SSBP2: variants seen among roughly 807,000 people sequenced by gnomAD.
SSBP2 encodes the protein single-stranded DNA-binding protein 2.
A neutral mutation model predicts 61.8 loss-of-function variants in SSBP2; 17 were observed. The ratio of observed to expected loss-of-function variants is 0.28; its 90% CI spans 0.19 to 0.41. The LOEUF (loss-of-function observed/expected upper bound fraction) is 0.41. SSBP2 is among the 10% of genes least tolerant of loss of function. The pLI, the probability that SSBP2 is intolerant of heterozygous loss-of-function variation, is 1.00. For missense variants in SSBP2, 310 were observed against 458.7 expected, an observed-to-expected ratio of 0.68 and a Z score of 2.96; for synonymous variants, 139 against 141.3, an observed-to-expected ratio of 0.98 and a Z score of 0.12.
chr5:81,510,595 T>C (rs1245815759), intron 5 of SSBP2, among the ~76,000 whole-genome samples: 1 of 152,070 alleles, frequency 6.6e-6, no homozygotes, highest in East Asian at 1.9e-4. Flanking sequence ...ACCCTGTCTC[T>C]ACTAAAAATA....
At chr5:81,748,747 G>T (rs1757515756) in intron 1 of SSBP2, among the ~76,000 whole-genome samples, 1 of 152,172 alleles carries the variant, frequency 6.6e-6, no homozygotes, top group South Asian at 2.1e-4. Flanking sequence ...ACCCTGATCT[G>T]CTCACGAGAG....
chr5:81,611,441 C>T lies in SSBP2; in HGVS notation c.282+4032G>A, dbSNP rs145877045. ...TACAAATCTAAGGTATTTAGATACA[C>T]TTTTACTTAAAAAAATCTTTAACTT... is the stretch of plus-strand genomic sequence containing the variant. On this transcript the variant is annotated intron_variant, in intron 4 of 16. Coordinates refer to ENST00000320672, the MANE Select transcript of SSBP2 (RefSeq NM_012446.5). Among the ~76,000 whole-genome samples, 35 of 152,212 alleles carry T rather than the reference C, an allele frequency of 2.3e-4. No individual in the cohort carries two copies. The Middle Eastern group carries it at 0.01, about 44-fold the overall frequency.
chr5:81,442,767 A>C (rs772185050), intron 12 of SSBP2, 44 bp from the exon 13 acceptor site: 1 of 1,046,354 alleles, frequency 9.6e-7, no homozygotes. Context: ...TTTAGAGTCT[A>C]TACCCAATTC....
intron 16 of SSBP2, among the ~76,000 whole-genome samples, chr5:81,428,002 G>C (rs1762058424): frequency 6.6e-6 from 1 of 152,160 alleles, no homozygotes; most frequent in African/African-American, 2.4e-5. Flanking sequence ...CTAGCATATT[G>C]CCTTGGCATG....
At chr5:81,466,579 C>T (rs1011331192) in intron 9 of SSBP2, among the ~76,000 whole-genome samples, 4 of 151,778 alleles carry the variant, frequency 2.6e-5, no homozygotes, top group Admixed American at 6.6e-5. Flanking sequence ...TGAGGTTAAC[C>T]GTATTCAATT....
At chr5:81,584,727 T>C (rs1412121553) in intron 4 of SSBP2, among the ~76,000 whole-genome samples, 2 of 152,116 alleles carry the variant, frequency 1.3e-5, no homozygotes, top group African/African-American at 4.8e-5. Context: ...TTAAGTAAGG[T>C]AGCAGAAGAA....
At chr5:81,534,432 T>G (rs929262553) in intron 4 of SSBP2, among the ~76,000 whole-genome samples, 1 of 152,008 alleles carries the variant, frequency 6.6e-6, no homozygotes, top group Non-Finnish European at 1.5e-5. Flanking sequence ...TTAAAACAAC[T>G]ATGATTAATA....
At chr5:81,735,957 A>AT (rs1756574585) in intron 1 of SSBP2, among the ~76,000 whole-genome samples, 2 of 152,206 alleles carry the variant, frequency 1.3e-5, no homozygotes, top group Non-Finnish European at 2.9e-5. Context: ...TGAAACGAGT[A>AT]TTTCAGATTG....
chr5:81,597,972 C>T (rs945042686), intron 4 of SSBP2, among the ~76,000 whole-genome samples: 4 of 150,920 alleles, frequency 2.7e-5, no homozygotes, highest in Admixed American at 6.6e-5. Context: ...CAAACCTGCA[C>T]GTTGTGCACA....
At chr5:81,440,441 G>T in intron 14 of SSBP2, 117 bp downstream of exon 14, 1 of 739,538 alleles carries the variant, frequency 1.4e-6, no homozygotes, top group Non-Finnish European at 2.2e-6. Flanking sequence ...GGTAAAAGTT[G>T]AAGTATTTAA....
chr5:81,501,337 C>T (rs1457731967), intron 5 of SSBP2, among the ~76,000 whole-genome samples: 8 of 138,788 alleles, frequency 5.8e-5, no homozygotes, highest in Non-Finnish European at 1.6e-5. Flanking sequence ...ATCTTAAATA[C>T]ATATACACAA....
At chr5:81,471,135 T>C (rs1765221250) in intron 8 of SSBP2, among the ~76,000 whole-genome samples, 1 of 151,904 alleles carries the variant, frequency 6.6e-6, no homozygotes, top group African/African-American at 2.4e-5. Flanking sequence ...ATTTCCATCA[T>C]ATTATATAGA....
intron 4 of SSBP2, among the ~76,000 whole-genome samples, chr5:81,601,542 T>C (rs1197658496): frequency 6.6e-6 from 1 of 152,150 alleles, no homozygotes; most frequent in African/African-American, 2.4e-5. Context: ...ATTTTACCAT[T>C]GGGGGAACTA....
At chr5:81,706,047 A>ATT (rs1754363855) in intron 1 of SSBP2, among the ~76,000 whole-genome samples, 1 of 152,224 alleles carries the variant, frequency 6.6e-6, no homozygotes, top group Non-Finnish European at 1.5e-5. Flanking sequence ...CTGCACTCAT[A>ATT]CGCTGATCAC....
chr5:81,655,741 A>G (rs1405980941), intron 1 of SSBP2, among the ~76,000 whole-genome samples: 1 of 152,190 alleles, frequency 6.6e-6, no homozygotes, highest in African/African-American at 2.4e-5. Flanking sequence ...TGGATACTAG[A>G]CTCACTGTCC....
intron 10 of SSBP2, among the ~76,000 whole-genome samples, chr5:81,452,734 T>G (rs1763858359): frequency 1.3e-5 from 2 of 152,048 alleles, no homozygotes; most frequent in Admixed American, 1.3e-4. Flanking sequence ...GGGGCAGGTT[T>G]GGGGAAATGT....
intron 10 of SSBP2, among the ~76,000 whole-genome samples, 198 bp downstream of exon 10, chr5:81,460,857 C>A (rs980906015): frequency 6.6e-6 from 1 of 151,672 alleles, no homozygotes; most frequent in African/African-American, 2.4e-5. Context: ...TTACATTAGA[C>A]CTTGAAGTGA....
chr5:81,660,616 A>C (rs546008712), intron 1 of SSBP2, among the ~76,000 whole-genome samples: 2 of 152,302 alleles, frequency 1.3e-5, no homozygotes, highest in Admixed American at 1.3e-4. Context: ...TCAAGGACCT[A>C]GAACCAGAAA....
At chr5:81,506,335 GAGAAATAC>G (rs1217717144) in intron 5 of SSBP2, among the ~76,000 whole-genome samples, 1 of 151,960 alleles carries the variant, frequency 6.6e-6, no homozygotes, top group Non-Finnish European at 1.5e-5. Flanking sequence ...ATTTAATTCT[GAGAAATAC>G]TATTTCTAAC....
Sources: allele counts gnomAD v4.1 joint callset (sites outside exome capture counted in the v4.1 genomes callset), GRCh38; gene constraint gnomAD v4.1.1; transcripts MANE v1.5; gene names NCBI Gene and HGNC (gene_info 2026-07-23, HGNC 2026-07-21).